Variants in MIR2052HG observed in about 807,000 individuals in gnomAD.
MIR2052HG encodes the protein MIR2052 host gene.
chr8:74,602,873 C>CT (rs869275090), intron 1 of MIR2052HG, among the ~76,000 whole-genome samples: 2 of 138,694 alleles, frequency 1.4e-5, no homozygotes, highest in African/African-American at 5.5e-5. Context: ...TTCTTTCTTT[C>CT]TTTTTTCTAT....
intron 1 of MIR2052HG, among the ~76,000 whole-genome samples, chr8:74,602,476 C>G (rs1372135177): frequency 6.6e-6 from 1 of 151,962 alleles, no homozygotes; most frequent in Non-Finnish European, 1.5e-5. Flanking sequence ...CCAACAGCTA[C>G]TCTGCCTATG....
At chr8:74,631,492 C>A (rs186548068) in intron 2 of MIR2052HG, among the ~76,000 whole-genome samples, 2 of 152,114 alleles carry the variant, frequency 1.3e-5, no homozygotes, top group African/African-American at 4.8e-5. Flanking sequence ...GATTCTTAAA[C>A]ATTTAAGATT....
At chr8:74,680,625 C>T (rs1290125611) in intron 2 of MIR2052HG, among the ~76,000 whole-genome samples, 3 of 152,154 alleles carry the variant, frequency 2.0e-5, no homozygotes, top group Non-Finnish European at 4.4e-5. Context: ...GGACTGTAAA[C>T]TAGTTCAACC....
intron 2 of MIR2052HG, among the ~76,000 whole-genome samples, chr8:74,632,782 G>T (rs1365034): frequency 0.03 from 4,525 of 152,146 alleles, 89 homozygotes; most frequent in Middle Eastern, 0.048. Flanking sequence ...ATTATACATG[G>T]CTCTTTTCTC....
intron 1 of MIR2052HG, among the ~76,000 whole-genome samples, chr8:74,605,284 T>C (rs927893004): frequency 1.3e-5 from 2 of 152,218 alleles, no homozygotes; most frequent in African/African-American, 2.4e-5. Flanking sequence ...ACACAGCAAA[T>C]TCTGCCCAGG....
intron 5 of MIR2052HG, among the ~76,000 whole-genome samples, chr8:74,753,715 C>G (rs1170002596): frequency 3.9e-5 from 6 of 152,184 alleles, no homozygotes; most frequent in Non-Finnish European, 5.9e-5. Context: ...TCTCCAGGAC[C>G]TTCATTCAAT....
At chr8:74,737,092 T>C (rs938280287) in intron 4 of MIR2052HG, among the ~76,000 whole-genome samples, 5 of 152,176 alleles carry the variant, frequency 3.3e-5, no homozygotes, top group African/African-American at 1.2e-4. Context: ...CCGCAACAAA[T>C]CGGACTAATT....
chr8:74,621,083 A>T (rs890133096), intron 2 of MIR2052HG, among the ~76,000 whole-genome samples: 2 of 152,182 alleles, frequency 1.3e-5, no homozygotes, highest in African/African-American at 4.8e-5. Context: ...GTTGCCAAAA[A>T]GTTCCTCATC....
intron 2 of MIR2052HG, among the ~76,000 whole-genome samples, chr8:74,613,722 C>T (rs372205786): frequency 2.6e-5 from 4 of 152,134 alleles, no homozygotes; most frequent in Non-Finnish European, 4.4e-5. Flanking sequence ...CCAGACCTCA[C>T]GTGATCCACC....
intron 2 of MIR2052HG, among the ~76,000 whole-genome samples, chr8:74,635,180 T>C (rs1048007968): frequency 1.3e-5 from 2 of 151,976 alleles, no homozygotes; most frequent in African/African-American, 4.8e-5. Flanking sequence ...AATTATGAAA[T>C]ATTTATGGGT....
chr8:74,603,309 C>G (rs1432341927), intron 1 of MIR2052HG: 2 of 1,598,330 alleles, frequency 1.3e-6, no homozygotes, highest in African/African-American at 1.3e-5. Flanking sequence ...CCATGCCACC[C>G]GTCTCCGAGG....
chr8:74,749,722 G>T (rs781341089), intron 4 of MIR2052HG, among the ~76,000 whole-genome samples: 1 of 151,794 alleles, frequency 6.6e-6, no homozygotes, highest in Non-Finnish European at 1.5e-5. Context: ...GGTGTCGGGT[G>T]CCTGTAATCC....
At chr8:74,677,036 G>A (rs1248206471) in intron 2 of MIR2052HG, among the ~76,000 whole-genome samples, 1 of 151,954 alleles carries the variant, frequency 6.6e-6, no homozygotes, top group Non-Finnish European at 1.5e-5. Context: ...AATGTAAAAA[G>A]AACTTGTGTA....
chr8:74,748,851 G>C (rs549026343), intron 4 of MIR2052HG, among the ~76,000 whole-genome samples: 77 of 152,276 alleles, frequency 5.1e-4, no homozygotes, highest in African/African-American at 1.9e-3. Context: ...ACTTTCCAAA[G>C]GCCAGATATT....
At chr8:74,639,989 G>T (rs553059218) in intron 2 of MIR2052HG, among the ~76,000 whole-genome samples, 1 of 152,250 alleles carries the variant, frequency 6.6e-6, no homozygotes, top group South Asian at 2.1e-4. Flanking sequence ...GGTTTTGCTT[G>T]TCACAGTCCC....
At chr8:74,664,793 C>T (rs2128737369) in intron 2 of MIR2052HG, among the ~76,000 whole-genome samples, 1 of 152,336 alleles carries the variant, frequency 6.6e-6, no homozygotes, top group East Asian at 1.9e-4. Context: ...GCTGGGATTA[C>T]AGGCGTGAGC....
At chr8:74,706,570 C>A (rs1809413110) in intron 4 of MIR2052HG, among the ~76,000 whole-genome samples, 3 of 152,014 alleles carry the variant, frequency 2.0e-5, no homozygotes. Flanking sequence ...CGAACCAGAG[C>A]ACGAGGGGCC....
chr8:74,629,440 G>T (rs1808479179), intron 2 of MIR2052HG, among the ~76,000 whole-genome samples: 1 of 152,058 alleles, frequency 6.6e-6, no homozygotes, highest in African/African-American at 2.4e-5. Flanking sequence ...GTGATGCCTA[G>T]GGTGGGGGAG....
At chr8:74,627,900 G>T (rs1808457247) in intron 2 of MIR2052HG, among the ~76,000 whole-genome samples, 1 of 152,150 alleles carries the variant, frequency 6.6e-6, no homozygotes, top group South Asian at 2.1e-4. Context: ...GATCTAAAGG[G>T]CCTTTAAGTT....
Sources: allele counts gnomAD v4.1 joint callset (sites outside exome capture counted in the v4.1 genomes callset), GRCh38; gene constraint gnomAD v4.1.1; transcripts MANE v1.5; gene names NCBI Gene and HGNC (gene_info 2026-07-23, HGNC 2026-07-21).